PFKP: variants seen among roughly 807,000 people sequenced by gnomAD.
The protein encoded by PFKP is ATP-dependent 6-phosphofructokinase, platelet type.
In PFKP, 101 loss-of-function variants were observed where a neutral mutation model predicts 94.3. The observed-to-expected ratio is 1.07, with a 90% CI of 0.91 to 1.26. The LOEUF is 1.26. Ranked by LOEUF, PFKP falls within the 50% of genes most tolerant of loss-of-function variation. PFKP has a pLI of 0.00. For synonymous variants in PFKP, 573 were observed against 432.6 expected, an observed-to-expected ratio of 1.32 and a Z score of -4.03; for missense variants, 1,145 against 1,103.3, an observed-to-expected ratio of 1.04 and a Z score of -0.53.
chr10:3,116,802 CG>C lies in PFKP; in HGVS notation c.1403del (p.Gly468AlafsTer37). The C allele has an allele frequency of 1.2e-6, 2 of 1,613,668 alleles. No individual in the cohort carries two copies. The highest frequency in any genetic ancestry group is 1.7e-6 in the Non-Finnish European group (2 of 1,179,540). On this transcript the variant is annotated frameshift_variant, in exon 14 of 22. Coordinates refer to ENST00000381125, the MANE Select transcript of PFKP (RefSeq NM_002627.5). LOFTEE classifies it high-confidence loss of function. ...TCAAAGAAATCGGCTGGACAGATGTCGGGGGCTGGACCGGCCAAGGAGGCTC... is the reference window on the plus strand; with the variant it reads ...TCAAAGAAATCGGCTGGACAGATGTCGGGGCTGGACCGGCCAAGGAGGCTC... ...QIKEIGWTDV[G>X]GWTGQGGSIL...
intron 1 of PFKP, among the ~76,000 whole-genome samples, chr10:3,075,464 G>A (rs1588384492): frequency 6.6e-6 from 1 of 151,410 alleles, no homozygotes; most frequent in African/African-American, 2.4e-5. Flanking sequence ...GGGGCAGTTT[G>A]CAAATCCAGG....
chr10:3,108,275 G>A (rs1450480093), intron 8 of PFKP, among the ~76,000 whole-genome samples: 1 of 152,216 alleles, frequency 6.6e-6, no homozygotes, highest in Non-Finnish European at 1.5e-5. Flanking sequence ...CCATGGGCTG[G>A]GGCGAGGGGA....
intron 11 of PFKP, among the ~76,000 whole-genome samples, 168 bp from the exon 12 acceptor site, chr10:3,112,951 G>A (rs1203489946): frequency 3.3e-5 from 5 of 152,238 alleles, no homozygotes; most frequent in Non-Finnish European, 5.9e-5. Context: ...ACCGCGGGTC[G>A]CGGCTAAGGG....
chr10:3,128,007 C>G (rs1331945362), intron 16 of PFKP, among the ~76,000 whole-genome samples: 1 of 142,976 alleles, frequency 7.0e-6, no homozygotes, highest in Non-Finnish European at 1.5e-5. Flanking sequence ...GGCTCCTAGT[C>G]TCAAGTCCAC....
intron 17 of PFKP, among the ~76,000 whole-genome samples, chr10:3,130,629 G>A (rs1480169477): frequency 2.0e-5 from 3 of 152,128 alleles, no homozygotes; most frequent in Non-Finnish European, 4.4e-5. Context: ...GCGTGGTCTC[G>A]GCTTACTGCA....
chr10:3,130,054 G>A (rs1838400509), intron 17 of PFKP, 71 bp downstream of exon 17: 8 of 1,401,954 alleles, frequency 5.7e-6, no homozygotes, highest in Non-Finnish European at 7.7e-6. Context: ...GAATCATCGT[G>A]TCTAGGGTGG....
intron 11 of PFKP, among the ~76,000 whole-genome samples, chr10:3,112,827 C>T (rs886840960): frequency 6.6e-6 from 1 of 152,264 alleles, no homozygotes; most frequent in African/African-American, 2.4e-5. Flanking sequence ...CTCAGCCTCC[C>T]AAAGTGCTGG....
At chr10:3,101,633 A>G (rs765008874) in intron 4 of PFKP, 79 bp downstream of exon 4, 54 of 1,037,618 alleles carry the variant, frequency 5.2e-5, no homozygotes, top group Non-Finnish European at 7.1e-5. Context: ...TTCCCTCTTC[A>G]CTGTGGCAGA....
At chr10:3,126,358 C>T (rs1564346554) in intron 16 of PFKP, among the ~76,000 whole-genome samples, 2 of 152,220 alleles carry the variant, frequency 1.3e-5, no homozygotes, top group Non-Finnish European at 2.9e-5. Context: ...CTGGCTCATT[C>T]CCAGGACTTC....
chr10:3,125,179 C>A (rs539611230), intron 16 of PFKP: 1 of 1,349,384 alleles, frequency 7.4e-7, no homozygotes, highest in South Asian at 1.2e-5. Flanking sequence ...GTGCCGGCCA[C>A]GATTAGCAAC....
chr10:3,084,720 T>C (rs1229697391), intron 2 of PFKP, among the ~76,000 whole-genome samples: 3 of 127,084 alleles, frequency 2.4e-5, no homozygotes, highest in Admixed American at 7.7e-5. Context: ...CCCAGGAGAG[T>C]CCTCCAGCCC....
At chr10:3,135,027 C>T (rs183314507) in intron 20 of PFKP, among the ~76,000 whole-genome samples, 447 of 151,712 alleles carry the variant, frequency 2.9e-3, no homozygotes, top group Non-Finnish European at 5.3e-3. Flanking sequence ...TAGAACTGTG[C>T]ATGTTCTTCC....
At chr10:3,075,739 C>CA (rs1371474449) in intron 1 of PFKP, among the ~76,000 whole-genome samples, 4 of 150,036 alleles carry the variant, frequency 2.7e-5, no homozygotes, top group Non-Finnish European at 4.4e-5. Context: ...CTAGTCTCTA[C>CA]AAAAAATACA....
chr10:3,090,077 CTTT>C (rs1833925901), intron 2 of PFKP, among the ~76,000 whole-genome samples: 1 of 152,174 alleles, frequency 6.6e-6, no homozygotes, highest in African/African-American at 2.4e-5. Flanking sequence ...AGGATTCATT[CTTT>C]TTTATTGGCT....
intron 13 of PFKP, among the ~76,000 whole-genome samples, chr10:3,115,306 T>C (rs34430271): frequency 0.92 from 96,329 of 105,116 alleles, 44,555 homozygotes; most frequent in Non-Finnish European, 0.94. Context: ...CTGGGGATGC[T>C]GGGGTGAAAG....
chr10:3,126,289 T>C (rs919975333), intron 16 of PFKP, among the ~76,000 whole-genome samples: 1 of 152,168 alleles, frequency 6.6e-6, no homozygotes, highest in Admixed American at 6.5e-5. Context: ...CCTGGCCATC[T>C]CTCTCCTAGG....
intron 3 of PFKP, 24 bp from the exon 4 acceptor site, chr10:3,101,341 T>C (rs952872341): frequency 1.3e-6 from 2 of 1,556,742 alleles, no homozygotes; most frequent in African/African-American, 1.4e-5. Flanking sequence ...TGAGAGGAGA[T>C]AAATTAGCTG....
chr10:3,071,951 C>T (rs918722067), intron 1 of PFKP, among the ~76,000 whole-genome samples: 7 of 152,194 alleles, frequency 4.6e-5, no homozygotes, highest in East Asian at 1.9e-4. Context: ...CACAGAGCTC[C>T]GTGGTGGGGC....
At chr10:3,104,294 C>T (rs1240468343) in intron 5 of PFKP, among the ~76,000 whole-genome samples, 4 of 152,206 alleles carry the variant, frequency 2.6e-5, no homozygotes, top group East Asian at 3.9e-4. Flanking sequence ...ACGCAGCCAG[C>T]GATGTCCTGC....
Sources: allele counts gnomAD v4.1 joint callset (sites outside exome capture counted in the v4.1 genomes callset), GRCh38; gene constraint gnomAD v4.1.1; transcripts MANE v1.5; gene names NCBI Gene and HGNC (gene_info 2026-07-23, HGNC 2026-07-21).